PCDHGA3: variants seen among roughly 807,000 people sequenced by gnomAD.
PCDHGA3 encodes protocadherin gamma subfamily A, 3, also known as protocadherin gamma-A3.
In PCDHGA3, 40 loss-of-function variants were observed where a neutral mutation model predicts 58.5. The ratio of observed to expected loss-of-function variants is 0.68; its 90% CI spans 0.53 to 0.89. PCDHGA3 has a LOEUF of 0.89. Among genes scored for constraint, PCDHGA3 ranks in the 40% least tolerant of loss-of-function variants. The probability of loss-of-function intolerance (pLI) is 0.00; values close to 1 mark genes in which losing one functional copy is unlikely to be tolerated. For synonymous variants in PCDHGA3, 530 were observed against 525.7 expected, an observed-to-expected ratio of 1.01 and a Z score of -0.11; for missense variants, 1,223 against 1,195.9, an observed-to-expected ratio of 1.02 and a Z score of -0.33.
intron 1 of PCDHGA3, among the ~76,000 whole-genome samples, chr5:141,386,507 C>G (rs972515111): frequency 2.0e-5 from 1 of 50,524 alleles, no homozygotes. Context: ...AAGACTCTGT[C>G]TCTTCAAAAA....
Position 141,345,510 on chromosome 5 carries a change from G to C in PCDHGA3, c.1477G>C (p.Glu493Gln), listed in dbSNP as rs778058001. Residue 493 changes from glutamate to glutamine, a missense_variant, in exon 1 of 4, where the codon GAG becomes CAG. Transcript: ENST00000253812. ...NNARITYALT[E>Q]DTLQGAPLSS... Reference sequence around the variant, plus strand: ...CGCCCGCATCACTTATGCATTGACCGAGGACACTCTCCAGGGGGCGCCCCT... The same window carrying C: ...CGCCCGCATCACTTATGCATTGACCCAGGACACTCTCCAGGGGGCGCCCCT... 9.3e-6 allele frequency: 15 copies of C among 1,614,100 alleles called. No homozygotes were observed. Among genetic ancestry groups the C allele is most frequent in the Non-Finnish European group, 1.3e-5 (15 of 1,180,000 alleles).
intron 1 of PCDHGA3, among the ~76,000 whole-genome samples, chr5:141,387,074 C>G (rs1268463514): frequency 6.6e-6 from 1 of 152,172 alleles, no homozygotes. Flanking sequence ...GAGTAGGCTA[C>G]TGCCTGTGAT....
At position 141,376,592 on chromosome 5, in the gene PCDHGA3, C is replaced by T. The variant is rs373550079; in HGVS notation, c.2424+30135C>T. 8 of 1,565,128 alleles carry T rather than the reference C, an allele frequency of 5.1e-6. No individual in the cohort carries two copies. In the East Asian group the frequency reaches 1.4e-4, roughly 27 times the overall value. On this transcript the variant is annotated intron_variant, in intron 1 of 3. Coordinates refer to ENST00000253812, the MANE Select transcript of PCDHGA3 (RefSeq NM_018916.4). ...CAGACAGGCTCATCAGCTAGATCGG[C>T]TGTTATAGAAGCGAACCTCTTTTGG...
Position 141,432,010 on chromosome 5 carries a change from CT to C in PCDHGA3, c.2425-62796del. The C allele has an allele frequency of 6.2e-7, 1 of 1,614,068 alleles. No individual in the cohort carries two copies. Among genetic ancestry groups the C allele is most frequent in the Non-Finnish European group, 8.5e-7 (1 of 1,180,022 alleles). ...TCTTGGATAGGGAACAGGTTCCTAG[CT>C]ACAACATCACAGTGACCGCCACTGA... On this transcript the variant is annotated intron_variant, in intron 1 of 3. Coordinates refer to ENST00000253812, the MANE Select transcript of PCDHGA3 (RefSeq NM_018916.4). This position sits in a 1 kb window ranked among gnomAD's most constrained non-coding sequence, Gnocchi z 6.0.
In PCDHGA3 at chr5:141,494,886, C is replaced by T. The variant is rs1212594477; in HGVS notation, c.2483+21C>T. ...AGCGGGTAGGTGACTGATTCTCCAG[C>T]CCACCCTCTTCTCTGCGGCATTTTC... On this transcript the variant is annotated intron_variant, in intron 2 of 3. Coordinates refer to ENST00000253812, the MANE Select transcript of PCDHGA3 (RefSeq NM_018916.4). 8 of 1,614,010 alleles carry T rather than the reference C, an allele frequency of 5.0e-6. No homozygotes were observed. The Admixed American group carries it at 8.3e-5, about 17-fold the overall frequency.
At chr5:141,403,276 C>A in intron 1 of PCDHGA3, 2 of 1,613,844 alleles carry the variant, frequency 1.2e-6, no homozygotes, top group South Asian at 2.2e-5. Flanking sequence ...ACTTTAAAGT[C>A]CTGGTTGAAG....
At chr5:141,376,381 T>A in intron 1 of PCDHGA3, 2 of 1,613,972 alleles carry the variant, frequency 1.2e-6, no homozygotes, top group Non-Finnish European at 1.7e-6. Flanking sequence ...CGCGTAAGAG[T>A]CATCTGATTT....
chr5:141,413,010 C>A, intron 1 of PCDHGA3: 1 of 640,210 alleles, frequency 1.6e-6, no homozygotes. Flanking sequence ...AGGGCTTCAA[C>A]TACACAAGCC....
chr5:141,389,863 TG>T, intron 1 of PCDHGA3: 2 of 1,614,064 alleles, frequency 1.2e-6, no homozygotes, highest in Non-Finnish European at 1.7e-6. Context: ...ACGTTGCACC[TG>T]GTCTTCGCCG....
rs776990176 is a variant in PCDHGA3 at position 141,485,136 on chromosome 5, C to A, written c.2425-9671C>A. ...GTTTGGGGCGGGTCGGCTTCATCCG[C>A]GTCTCAGGAGCAAGTAGAGAATTAG... On this transcript the variant is annotated intron_variant, in intron 1 of 3. Transcript: ENST00000253812. The surrounding 1 kb of genome is among the most constrained non-coding windows in gnomAD (Gnocchi z 5.7). The A allele has an allele frequency of 4.0e-6, 6 of 1,502,706 alleles. No individual in the cohort carries two copies. The South Asian group carries it at 5.9e-5, about 15-fold the overall frequency. The allele number at this position is 1,502,706 out of a possible 1,614,324, so 93.1% of individuals were successfully genotyped here.
intron 1 of PCDHGA3, among the ~76,000 whole-genome samples, chr5:141,354,444 T>A (rs1759543565): frequency 6.6e-6 from 1 of 152,238 alleles, no homozygotes; most frequent in African/African-American, 2.4e-5. Context: ...AAACCTATTA[T>A]CCTATTTGTC....
At chr5:141,426,448 C>T (rs1289310586) in intron 1 of PCDHGA3, 4 of 307,946 alleles carry the variant, frequency 1.3e-5, no homozygotes, top group Middle Eastern at 1.2e-3. Context: ...GGAGGACATG[C>T]GGCTGCATGT....
At chr5:141,356,570 A>T in intron 1 of PCDHGA3, 1 of 1,613,864 alleles carries the variant, frequency 6.2e-7, no homozygotes, top group Non-Finnish European at 8.5e-7. Flanking sequence ...CATGCTTCCT[A>T]CTCTGCTTAC....
intron 1 of PCDHGA3, chr5:141,361,539 C>A (rs754978831): frequency 5.0e-6 from 8 of 1,613,910 alleles, no homozygotes; most frequent in African/African-American, 1.3e-5. Flanking sequence ...ATCCTCCTGG[C>A]GCCTCTATCG....
intron 1 of PCDHGA3, chr5:141,374,105 C>T: frequency 6.4e-7 from 1 of 1,572,258 alleles, no homozygotes; most frequent in Non-Finnish European, 8.6e-7. Flanking sequence ...GCAGAGGCAT[C>T]CGCAGCGCAG....
rs2154586601 is a variant in PCDHGA3, at chr5:141,491,555, A to G, written c.2425-3252A>G. The G allele has an allele frequency of 6.2e-7, 1 of 1,613,986 alleles. No homozygotes were observed. The highest frequency in any genetic ancestry group is 2.2e-5 in the East Asian group (1 of 44,862). ...CTGCGGCCCACAGACTCGCAGAGCC[A>G]CTGCTACAGGACGTGCTTTTCACCG... On this transcript the variant is annotated intron_variant, in intron 1 of 3. Transcript: ENST00000253812. This position sits in a 1 kb window ranked among gnomAD's most constrained non-coding sequence, Gnocchi z 6.9.
At position 141,383,936 on chromosome 5, in the gene PCDHGA3, A is replaced by C. The variant is rs563490528; in HGVS notation, c.2424+37479A>C. ...TTAGATGTAAATGATAATGCTCCAG[A>C]AGTGACTATGACGTCTTTAAGTAGC... On this transcript the variant is annotated intron_variant, in intron 1 of 3. Transcript: ENST00000253812. The C allele has an allele frequency of 1.9e-6, 3 of 1,613,936 alleles. No individual in the cohort carries two copies. In the East Asian group the frequency reaches 6.7e-5, roughly 36 times the overall value.
intron 1 of PCDHGA3, chr5:141,405,033 T>C (rs753061273): frequency 6.8e-6 from 11 of 1,613,844 alleles, no homozygotes; most frequent in Admixed American, 1.7e-5. Context: ...CTCTACCTCG[T>C]TGTGGCTGTG....
chr5:141,422,487 T>C lies in PCDHGA3; in HGVS notation c.2425-72320T>C, dbSNP rs1295400741. 5.0e-6 allele frequency: 8 copies of C among 1,613,938 alleles called. No individual in the cohort carries two copies. The East Asian group carries it at 1.8e-4, about 36-fold the overall frequency. ...ACAGGGAGTTGGTCCAGAGCTACAA[T>C]ATAACGTTGACAGCCACAGACCAGG... On this transcript the variant is annotated intron_variant, in intron 1 of 3. Coordinates refer to ENST00000253812, the MANE Select transcript of PCDHGA3 (RefSeq NM_018916.4).
Sources: allele counts gnomAD v4.1 joint callset (sites outside exome capture counted in the v4.1 genomes callset), GRCh38; gene constraint gnomAD v4.1.1; non-coding constraint Gnocchi (gnomAD v3.1); transcripts MANE v1.5; gene names NCBI Gene and HGNC (gene_info 2026-07-23, HGNC 2026-07-21).